B4GALNT2: variants seen among roughly 807,000 people sequenced by gnomAD.
The protein encoded by B4GALNT2 is beta-1,4-N-acetyl-galactosaminyltransferase 2 (SID blood group), also known as N-acetylneuraminylgalactosylglucosyl-glucoside beta-1,4-N- acetylgalactosaminyltransferase 2.
A neutral mutation model predicts 51.1 loss-of-function variants in B4GALNT2; 42 were observed. That is an observed-to-expected ratio of 0.82 (90% CI 0.64 to 1.06). The LOEUF (loss-of-function observed/expected upper bound fraction) is 1.06. Among genes scored for constraint, B4GALNT2 ranks in the 50% least tolerant of loss-of-function variants. The pLI is 0.00. For synonymous variants in B4GALNT2, 253 were observed against 251.7 expected, an observed-to-expected ratio of 1.01 and a Z score of -0.05; for missense variants, 602 against 633.6, an observed-to-expected ratio of 0.95 and a Z score of 0.54.
chr17:49,156,500 G>A (rs1402051612), intron 4 of B4GALNT2, 66 bp from the exon 5 acceptor site: 3 of 1,564,248 alleles, frequency 1.9e-6, no homozygotes, highest in South Asian at 1.1e-5. Flanking sequence ...TGAGGTTGGC[G>A]AGAGCAGCGG....
Position 49,132,880 on chromosome 17 carries a change from C to T in B4GALNT2, c.14+74C>T, listed in dbSNP as rs549950585. ...AGGGAGCGCCGCGGGTCCTTTCTGGCGTCTGCAGAGCGGGCAGGTGCTGGG... is the reference window on the plus strand; with the variant it reads ...AGGGAGCGCCGCGGGTCCTTTCTGGTGTCTGCAGAGCGGGCAGGTGCTGGG... On this transcript the variant is annotated intron_variant, in intron 1 of 10. Transcript: ENST00000393354. 435 of 1,374,974 alleles carry T rather than the reference C, an allele frequency of 3.2e-4. No homozygotes were observed. The African/African-American group carries it at 6.0e-3, about 19-fold the overall frequency. The allele number at this position is 1,374,974 out of a possible 1,614,324, so 85.2% of individuals were successfully genotyped here.
At chr17:49,146,827 G>A (rs1335428272) in intron 3 of B4GALNT2, among the ~76,000 whole-genome samples, 2 of 152,128 alleles carry the variant, frequency 1.3e-5, no homozygotes, top group East Asian at 1.9e-4. Context: ...CCTTAGACTG[G>A]TACTTCTAAG....
In B4GALNT2 at chr17:49,144,788, G is replaced by A. The variant is rs562455941; in HGVS notation, c.353+2616G>A. On this transcript the variant is annotated intron_variant, in intron 3 of 10. Transcript: ENST00000393354. ...CTAACAGGGGGGAGAGAGAGAGAAAGCGAGAGAGAGAATTTATTAAGTATT... is the reference window on the plus strand; with the variant it reads ...CTAACAGGGGGGAGAGAGAGAGAAAACGAGAGAGAGAATTTATTAAGTATT... 7.9e-5 allele frequency among the ~76,000 whole-genome samples: 12 copies of A among 152,262 alleles called. 1 individual carries two copies. The highest frequency in any genetic ancestry group is 2.2e-4 in the African/African-American group (9 of 41,548).
intron 7 of B4GALNT2, among the ~76,000 whole-genome samples, chr17:49,161,334 AAAAATTGGCTTTTC>A (rs1258614094): frequency 6.6e-6 from 1 of 150,976 alleles, no homozygotes; most frequent in African/African-American, 2.4e-5. Context: ...TGAACAAATT[AAAAATTGGCTTTTC>A]AAAAAATCAC....
chr17:49,135,615 T>G (rs2042582818), intron 1 of B4GALNT2, among the ~76,000 whole-genome samples: 1 of 152,114 alleles, frequency 6.6e-6, no homozygotes, highest in African/African-American at 2.4e-5. Context: ...TCTAATAAAT[T>G]TTAGAGTCAT....
At chr17:49,127,014 C>CT in the B4GALNT2 span, among the ~76,000 whole-genome samples, 1 of 152,162 alleles carries the variant, frequency 6.6e-6, no homozygotes, top group Non-Finnish European at 1.5e-5. Context: ...TAAATTGTAC[C>CT]TTTCTTGCAT....
chr17:49,141,130 G>T, intron 1 of B4GALNT2, 117 bp from the exon 2 acceptor site: 2 of 901,314 alleles, frequency 2.2e-6, no homozygotes, highest in Non-Finnish European at 3.5e-6. Context: ...ATCGATTTTA[G>T]TGACCAATAT....
In B4GALNT2 at chr17:49,141,410, G is replaced by A; in HGVS notation, c.178G>A (p.Glu60Lys). The A allele has an allele frequency of 6.2e-7, 1 of 1,614,156 alleles. No homozygotes were observed. Among genetic ancestry groups the A allele is most frequent in the Non-Finnish European group, 8.5e-7 (1 of 1,180,022 alleles). The change falls in exon 2 of 11, where the codon GAA becomes AAA. Residue 60 changes from glutamate to lysine, a missense_variant. By Grantham distance (56) the Glu-to-Lys change is moderately conservative (BLOSUM62 1). Coordinates refer to ENST00000393354, the MANE Select transcript of B4GALNT2 (RefSeq NM_001159387.2). Reference protein sequence around the residue: ...GVQKLKLLPEERLRNLFSYDG... With the variant: ...GVQKLKLLPEKRLRNLFSYDG... ...CCAGAAGCTGAAGCTTCTGCCTGAG[G>A]AACGTCTCAGGAACCTCTTTTCCTA...
At position 49,160,548 on chromosome 17, in the gene B4GALNT2, C is replaced by T; in HGVS notation, c.680-7C>T. On this transcript the variant is annotated splice_region_variant and splice_polypyrimidine_tract_variant and intron_variant, in intron 6 of 10. Transcript: ENST00000393354. ...TCCCTGTGCCATTATCTTATTTCTC[C>T]CTCCAGTGAGTCTGGAGTCCAGGTC... is the stretch of plus-strand genomic sequence containing the variant. 2 of 1,611,446 alleles carry T rather than the reference C, an allele frequency of 1.2e-6. No homozygotes were observed. Among genetic ancestry groups the T allele is most frequent in the Non-Finnish European group, 1.7e-6 (2 of 1,177,572 alleles).
Position 49,141,274 on chromosome 17 carries a change from A to G in B4GALNT2, c.42A>G (p.Ile14Met). The G allele has an allele frequency of 6.2e-7, 1 of 1,614,008 alleles. No homozygotes were observed. Among genetic ancestry groups the G allele is most frequent in the Non-Finnish European group, 8.5e-7 (1 of 1,179,944 alleles). Residue 14 changes from isoleucine (I) to methionine (M), a missense_variant, in exon 2 of 11, where the codon ATA becomes ATG. Physicochemically the swap from Ile to Met is conservative, Grantham distance 10 (BLOSUM62 1). Transcript: ENST00000393354. Reference sequence around the variant, plus strand: ...CGAGATTTCTGTGGCTCCTCAAGATATTGGTCATAATCCTGGTACTTGGCA... The same window carrying G: ...CGAGATTTCTGTGGCTCCTCAAGATGTTGGTCATAATCCTGGTACTTGGCA... ...GGSRFLWLLK[I>M]LVIILVLGIV...
At chr17:49,169,468 T>C (rs2042940874) in intron 10 of B4GALNT2, 55 bp from the exon 11 acceptor site, 1 of 1,533,176 alleles carries the variant, frequency 6.5e-7, no homozygotes, top group Non-Finnish European at 8.9e-7. Context: ...CCTAGAATAG[T>C]GCCCACTTTT....
chr17:49,129,644 T>C (rs2042527451), upstream of B4GALNT2, among the ~76,000 whole-genome samples: 1 of 152,118 alleles, frequency 6.6e-6, no homozygotes, highest in Non-Finnish European at 1.5e-5. Flanking sequence ...CATTCTGTCT[T>C]ACAGACTAGG....
intron 3 of B4GALNT2, among the ~76,000 whole-genome samples, chr17:49,143,854 T>C (rs2042668080): frequency 6.6e-6 from 1 of 151,946 alleles, no homozygotes; most frequent in Admixed American, 6.6e-5. Context: ...CTTATAAAAC[T>C]ACCAGTCCCT....
intron 8 of B4GALNT2, among the ~76,000 whole-genome samples, chr17:49,165,317 T>TCTCTCCTTCTCC (rs890548541): frequency 6.8e-6 from 1 of 147,782 alleles, no homozygotes; most frequent in African/African-American, 2.5e-5. Context: ...TCTCTCTTTC[T>TCTCTCCTTCTCC]CTCTCCTTCT....
chr17:49,125,934 G>A, the B4GALNT2 span, among the ~76,000 whole-genome samples: 1 of 149,416 alleles, frequency 6.7e-6, no homozygotes, highest in Non-Finnish European at 1.5e-5. Flanking sequence ...GGGTGCCTCT[G>A]CCCGACCGCC....
chr17:49,147,867 A>G (rs34051435), intron 3 of B4GALNT2, among the ~76,000 whole-genome samples: 37,052 of 151,466 alleles, frequency 0.24, 4,738 homozygotes, highest in East Asian at 0.46. Flanking sequence ...GTGTGTGTGT[A>G]TATATATCCA....
chr17:49,152,840 A>T lies in B4GALNT2; in HGVS notation c.394A>T (p.Asn132Tyr), dbSNP rs1045020261. The change falls in exon 4 of 11, where the codon AAC (asparagine) becomes TAC (tyrosine). Residue 132 changes from asparagine to tyrosine, a missense_variant. Transcript: ENST00000393354. Reference protein sequence around the residue: ...PRPLPLLVQPNLPFGYPVHGV... With the variant: ...PRPLPLLVQPYLPFGYPVHGV... ...CCCACTGCCCCTGCTGGTCCAGCCCAACCTCCCCTTTGGGTACCCAGTCCA... is the reference window on the plus strand; with the variant it reads ...CCCACTGCCCCTGCTGGTCCAGCCCTACCTCCCCTTTGGGTACCCAGTCCA... The T allele has an allele frequency of 3.1e-6, 5 of 1,610,746 alleles. No individual in the cohort carries two copies. In the South Asian group the frequency reaches 3.3e-5, roughly 11 times the overall value.
At chr17:49,149,373 C>T (rs962326454) in intron 3 of B4GALNT2, among the ~76,000 whole-genome samples, 7 of 152,102 alleles carry the variant, frequency 4.6e-5, no homozygotes, top group South Asian at 2.1e-4. Flanking sequence ...GGGCCAGGCG[C>T]GGTGGCTCAC....
At chr17:49,149,526 A>G (rs2042729406) in intron 3 of B4GALNT2, among the ~76,000 whole-genome samples, 1 of 152,104 alleles carries the variant, frequency 6.6e-6, no homozygotes, top group Non-Finnish European at 1.5e-5. Context: ...GTATGCCTGT[A>G]ATCCCAGCTA....
Sources: gnomAD v4.1 joint callset for allele counts (sites outside exome capture counted in the v4.1 genomes callset) on GRCh38, gnomAD v4.1.1 for gene constraint, MANE v1.5 for transcripts, NCBI Gene and HGNC (gene_info 2026-07-23, HGNC 2026-07-21) for gene names.